The following SDK1 variants were observed in gnomAD, a reference collection of about 807,000 sequenced individuals.
SDK1 encodes sidekick cell adhesion molecule 1, also known as protein sidekick-1.
SDK1 carries 157 observed loss-of-function variants against 245.5 expected under a neutral mutation model. The ratio of observed to expected loss-of-function variants is 0.64; its 90% CI spans 0.56 to 0.73. The LOEUF (loss-of-function observed/expected upper bound fraction) is 0.73. Among genes scored for constraint, SDK1 ranks in the 30% least tolerant of loss-of-function variants. The pLI, the probability that SDK1 is intolerant of heterozygous loss-of-function variation, is 0.00. For synonymous variants in SDK1, 1,647 were observed against 1,278.5 expected, an observed-to-expected ratio of 1.29 and a Z score of -6.15; for missense variants, 3,583 against 3,002.3, an observed-to-expected ratio of 1.19 and a Z score of -4.52.
intron 3 of SDK1, among the ~76,000 whole-genome samples, chr7:3,641,471 A>G (rs1782645270): frequency 6.6e-6 from 1 of 152,160 alleles, no homozygotes; most frequent in African/African-American, 2.4e-5. Flanking sequence ...TGGTTAGGAA[A>G]TATTGCTCCC....
intron 5 of SDK1, among the ~76,000 whole-genome samples, chr7:3,888,943 T>G (rs192059565): frequency 1.8e-4 from 27 of 152,350 alleles, no homozygotes; most frequent in African/African-American, 6.5e-4. Context: ...CTATGGCTCT[T>G]TATTATTTTA....
intron 1 of SDK1, among the ~76,000 whole-genome samples, chr7:3,544,064 A>G (rs951094612): frequency 6.6e-6 from 1 of 152,182 alleles, no homozygotes; most frequent in African/African-American, 2.4e-5. Context: ...TTTTCCTCAT[A>G]TATCGTTATC....
rs774037047 is a variant in SDK1 at position 3,526,832 on chromosome 7, G to T, written c.299-92248G>T. 1.6e-4 allele frequency among the ~76,000 whole-genome samples: 24 copies of T among 152,022 alleles called. No individual in the cohort carries two copies. The East Asian group carries it at 4.6e-3, about 29-fold the overall frequency. ...ACAAACCACTAGAGTATGCATTTTT[G>T]AATCTTATATATATCTTCCAGATTT... On this transcript the variant is annotated intron_variant, in intron 1 of 44. Transcript: ENST00000404826.
At chr7:3,665,307 A>G (rs60673182) in intron 4 of SDK1, among the ~76,000 whole-genome samples, 55,444 of 152,086 alleles carry the variant, frequency 0.36, 11,154 homozygotes, top group African/African-American at 0.53. Flanking sequence ...CCTCACCTAC[A>G]GGAACAGTTT....
rs1040864542 is a variant in SDK1 at position 4,266,287 on chromosome 7, C to G, written c.*903C>G. 1 of 985,284 alleles carries G rather than the reference C, an allele frequency of 1.0e-6. No homozygotes were observed. 61.0% of individuals were successfully genotyped at this position (985,284 alleles called of 1,614,324 possible). ...CTTTTTATCTTTTTTTAAACTATGT[C>G]ACATGAAATGAATGCGTCTTTGCTG... On this transcript the variant is annotated 3_prime_UTR_variant, in exon 45 of 45. Transcript: ENST00000404826.
intron 4 of SDK1, among the ~76,000 whole-genome samples, chr7:3,759,979 TG>T (rs1469709489): frequency 6.6e-6 from 1 of 152,282 alleles, no homozygotes; most frequent in Non-Finnish European, 1.5e-5. Context: ...TTTCCAATAC[TG>T]GGGGTATAAA....
At chr7:4,087,783 C>A (rs1365239367) in intron 22 of SDK1, among the ~76,000 whole-genome samples, 2 of 152,124 alleles carry the variant, frequency 1.3e-5, no homozygotes, top group Non-Finnish European at 2.9e-5. Flanking sequence ...CCCCTGTTTC[C>A]CAGCTCTGTA....
chr7:4,175,104 G>A (rs1782111877), intron 33 of SDK1, among the ~76,000 whole-genome samples: 1 of 152,164 alleles, frequency 6.6e-6, no homozygotes, highest in African/African-American at 2.4e-5. Flanking sequence ...GCCAGCCGCG[G>A]GGCCTTCCAC....
intron 24 of SDK1, 38 bp from the exon 25 acceptor site, chr7:4,113,999 G>C: frequency 6.3e-7 from 1 of 1,575,242 alleles, no homozygotes; most frequent in South Asian, 1.1e-5. Context: ...TGGCAGTTCT[G>C]AGATGTCAGC....
chr7:3,528,139 G>A (rs917454612), intron 1 of SDK1, among the ~76,000 whole-genome samples: 1 of 136,682 alleles, frequency 7.3e-6, no homozygotes, highest in African/African-American at 2.7e-5. Context: ...GGGGTGAATG[G>A]TAGGAGGTAA....
intron 35 of SDK1, among the ~76,000 whole-genome samples, chr7:4,184,159 G>A (rs1782749412): frequency 6.6e-6 from 1 of 152,234 alleles, no homozygotes; most frequent in Non-Finnish European, 1.5e-5. Context: ...CTTCAGAAGA[G>A]GAAATTAAAT....
At chr7:3,551,228 T>C (rs1440865466) in intron 1 of SDK1, among the ~76,000 whole-genome samples, 3 of 152,334 alleles carry the variant, frequency 2.0e-5, no homozygotes, top group African/African-American at 7.2e-5. Context: ...TAATGTAGTA[T>C]TTATTAATAC....
intron 14 of SDK1, among the ~76,000 whole-genome samples, chr7:3,995,524 A>G (rs756536822): frequency 5.3e-5 from 8 of 152,204 alleles, no homozygotes; most frequent in South Asian, 2.1e-4. Context: ...GAATCAACCA[A>G]TGGGCAAACA....
At chr7:4,173,517 C>A (rs1157641892) in intron 32 of SDK1, among the ~76,000 whole-genome samples, 1 of 152,224 alleles carries the variant, frequency 6.6e-6, no homozygotes, top group Non-Finnish European at 1.5e-5. Context: ...AACTCCACTT[C>A]CTTATCTGCC....
chr7:3,483,754 T>C (rs980427126), intron 1 of SDK1, among the ~76,000 whole-genome samples: 1 of 152,204 alleles, frequency 6.6e-6, no homozygotes, highest in East Asian at 1.9e-4. Flanking sequence ...TTAGATGATA[T>C]TTATTTCAGT....
chr7:3,418,309 TCC>T (rs1779437126), intron 1 of SDK1, among the ~76,000 whole-genome samples: 2 of 152,058 alleles, frequency 1.3e-5, no homozygotes, highest in Non-Finnish European at 2.9e-5. Context: ...AGAGCGAGAC[TCC>T]ATCTCAGAAA....
At chr7:4,046,069 C>G (rs891905880) in intron 17 of SDK1, among the ~76,000 whole-genome samples, 3 of 151,940 alleles carry the variant, frequency 2.0e-5, no homozygotes, top group Non-Finnish European at 4.4e-5. Context: ...GCAGGGACTA[C>G]AGGCATGCAC....
intron 1 of SDK1, among the ~76,000 whole-genome samples, chr7:3,597,131 A>G (rs1372520308): frequency 6.6e-6 from 1 of 151,808 alleles, no homozygotes; most frequent in Admixed American, 6.6e-5. Context: ...AATTAGCCGG[A>G]TGTGGTGGCG....
chr7:3,420,455 A>G (rs1779505377), intron 1 of SDK1, among the ~76,000 whole-genome samples: 1 of 152,208 alleles, frequency 6.6e-6, no homozygotes, highest in Non-Finnish European at 1.5e-5. Flanking sequence ...TGAAAGAGAT[A>G]CCTAAATATC....
Sources: allele counts gnomAD v4.1 joint callset (sites outside exome capture counted in the v4.1 genomes callset), GRCh38; gene constraint gnomAD v4.1.1; transcripts MANE v1.5; gene names NCBI Gene and HGNC (gene_info 2026-07-23, HGNC 2026-07-21).